RNLS: variants seen among roughly 807,000 people sequenced by gnomAD.
RNLS encodes renalase, FAD dependent amine oxidase.
In RNLS, 39 loss-of-function variants were observed where a neutral mutation model predicts 39.8. The observed-to-expected ratio is 0.98, with a 90% CI of 0.76 to 1.28. The LOEUF is 1.28. RNLS is among the 50% of genes most tolerant of loss of function. The pLI is 0.00. For synonymous variants in RNLS, 147 were observed against 150.7 expected, an observed-to-expected ratio of 0.98 and a Z score of 0.18; for missense variants, 410 against 413.3, an observed-to-expected ratio of 0.99 and a Z score of 0.07.
At chr10:88,456,163 C>T (rs1842617606) in intron 4 of RNLS, among the ~76,000 whole-genome samples, 1 of 152,022 alleles carries the variant, frequency 6.6e-6, no homozygotes, top group South Asian at 2.1e-4. Context: ...GCAATGTCTC[C>T]CCATGCTGGG....
At chr10:88,221,468 G>A in the RNLS span, among the ~76,000 whole-genome samples, 1 of 152,172 alleles carries the variant, frequency 6.6e-6, no homozygotes, top group South Asian at 2.1e-4. Flanking sequence ...AGAATGCTCT[G>A]AATAATCAAA....
At chr10:88,342,545 T>C (rs1848027602) in intron 5 of RNLS, among the ~76,000 whole-genome samples, 1 of 152,118 alleles carries the variant, frequency 6.6e-6, no homozygotes, top group African/African-American at 2.4e-5. Context: ...TACAATGATA[T>C]CCAATTTCTT....
intron 6 of RNLS, among the ~76,000 whole-genome samples, chr10:88,302,846 G>A (rs917839383): frequency 2.6e-5 from 4 of 152,096 alleles, no homozygotes; most frequent in African/African-American, 9.7e-5. Flanking sequence ...AGAAAATGAG[G>A]GTAATAGAAA....
At chr10:88,293,260 A>G (rs1457044305) in intron 6 of RNLS, among the ~76,000 whole-genome samples, 1 of 152,220 alleles carries the variant, frequency 6.6e-6, no homozygotes, top group Admixed American at 6.5e-5. Flanking sequence ...TGGCAATAAT[A>G]AATAGCTCTG....
intron 5 of RNLS, among the ~76,000 whole-genome samples, chr10:88,358,020 G>A (rs190885300): frequency 9.2e-5 from 14 of 152,240 alleles, no homozygotes; most frequent in South Asian, 2.1e-4. Context: ...AAACACTAGC[G>A]TTACAAATAC....
chr10:88,538,532 GAAAT>G (rs1257245313), intron 4 of RNLS, among the ~76,000 whole-genome samples: 1 of 151,424 alleles, frequency 6.6e-6, no homozygotes, highest in Non-Finnish European at 1.5e-5. Context: ...AAACTTGAAA[GAAAT>G]AATAAAATAC....
the RNLS span, among the ~76,000 whole-genome samples, chr10:88,224,037 G>GA: frequency 7.8e-4 from 102 of 130,968 alleles, no homozygotes; most frequent in East Asian, 3.4e-3. Context: ...TGAGCACTCA[G>GA]AAAAAAAAAA....
At chr10:88,466,057 T>A (rs1843185579) in intron 4 of RNLS, among the ~76,000 whole-genome samples, 2 of 151,938 alleles carry the variant, frequency 1.3e-5, no homozygotes, top group South Asian at 4.2e-4. Context: ...GAGTTCTGTA[T>A]CCATTGTTAG....
At chr10:88,494,002 C>A (rs1279935439) in intron 4 of RNLS, among the ~76,000 whole-genome samples, 1 of 152,146 alleles carries the variant, frequency 6.6e-6, no homozygotes, top group African/African-American at 2.4e-5. Flanking sequence ...TATCCTTTGT[C>A]ATGATATGCA....
Position 88,285,170 on chromosome 10 carries a change from T to A in RNLS, c.*184A>T. 8.7e-7 allele frequency: 1 copy of A among 1,145,050 alleles called. No homozygotes were observed. 70.9% of individuals were successfully genotyped at this position (1,145,050 alleles called of 1,614,324 possible). A position where few individuals can be genotyped will look rare whatever the true frequency, so the allele number is the denominator to read the frequency against. On this transcript the variant is annotated 3_prime_UTR_variant, in exon 7 of 7. Coordinates refer to ENST00000331772, the MANE Select transcript of RNLS (RefSeq NM_001031709.3). ...AGGTGCAAGGTGTGAGGAATTTCCA[T>A]TCTAGCATGGGTTGTAACTATCAAA...
the RNLS span, among the ~76,000 whole-genome samples, chr10:88,191,275 G>C: frequency 6.6e-6 from 1 of 152,174 alleles, no homozygotes; most frequent in African/African-American, 2.4e-5. Flanking sequence ...TGGCAAGTAG[G>C]AGAATTTTGG....
intron 4 of RNLS, among the ~76,000 whole-genome samples, chr10:88,482,812 T>A (rs1386798930): frequency 1.3e-5 from 2 of 152,182 alleles, no homozygotes; most frequent in African/African-American, 4.8e-5. Context: ...TGTTGTTTTT[T>A]ATTGTTGCCA....
At chr10:88,273,809 C>T (rs1243331698), downstream of RNLS, 3 of 151,974 alleles carry the variant, frequency 2.0e-5, no homozygotes, top group South Asian at 2.1e-4. Context: ...ATTTTAATCC[C>T]TGATTAGAAT....
At chr10:88,526,325 G>A (rs1001797641) in intron 4 of RNLS, among the ~76,000 whole-genome samples, 1 of 151,130 alleles carries the variant, frequency 6.6e-6, no homozygotes, top group African/African-American at 2.4e-5. Context: ...AAGAAGTTAG[G>A]AACTTTCAAT....
chr10:88,578,050 G>A (rs1325139029), intron 3 of RNLS, among the ~76,000 whole-genome samples: 1 of 152,088 alleles, frequency 6.6e-6, no homozygotes, highest in African/African-American at 2.4e-5. Context: ...TTGGCAATTT[G>A]ATTTCTTAAA....
At chr10:88,475,330 T>G (rs1356744598) in intron 4 of RNLS, among the ~76,000 whole-genome samples, 2 of 152,198 alleles carry the variant, frequency 1.3e-5, no homozygotes, top group Non-Finnish European at 2.9e-5. Context: ...GAACTGAGTG[T>G]TCTGGCTAAA....
At chr10:88,233,202 C>T in the RNLS span, among the ~76,000 whole-genome samples, 1 of 152,188 alleles carries the variant, frequency 6.6e-6, no homozygotes, top group Non-Finnish European at 1.5e-5. Context: ...AGCTCTCCAG[C>T]AAATCCAAGA....
chr10:88,380,607 A>G (rs1851394417), intron 4 of RNLS, among the ~76,000 whole-genome samples: 1 of 150,712 alleles, frequency 6.6e-6, no homozygotes, highest in Non-Finnish European at 1.5e-5. Context: ...GATGGTCTCG[A>G]TCTCCTGACC....
chr10:88,465,026 A>C (rs548773849), intron 4 of RNLS, among the ~76,000 whole-genome samples: 6 of 152,230 alleles, frequency 3.9e-5, no homozygotes, highest in African/African-American at 1.4e-4. Flanking sequence ...TTATCTGTAA[A>C]ATATGAATAA....
Sources: allele counts gnomAD v4.1 joint callset (sites outside exome capture counted in the v4.1 genomes callset), GRCh38; gene constraint gnomAD v4.1.1; transcripts MANE v1.5; gene names NCBI Gene and HGNC (gene_info 2026-07-23, HGNC 2026-07-21).